The following COL20A1 variants were observed in gnomAD, a reference collection of about 807,000 sequenced individuals.
The protein encoded by COL20A1 is collagen alpha-1(XX) chain.
COL20A1 carries 164 observed loss-of-function variants against 152.9 expected under a neutral mutation model. The observed-to-expected ratio is 1.07, with a 90% CI of 0.94 to 1.22. The LOEUF (loss-of-function observed/expected upper bound fraction) is 1.22, where lower values mean the gene tolerates loss of function less well. Ranked by LOEUF, COL20A1 falls within the 50% of genes most tolerant of loss-of-function variation. The pLI, the probability that COL20A1 is intolerant of heterozygous loss-of-function variation, is 0.00. For missense variants in COL20A1, 1,873 were observed against 1,744.8 expected, an observed-to-expected ratio of 1.07 and a Z score of -1.31; for synonymous variants, 864 against 756.0, an observed-to-expected ratio of 1.14 and a Z score of -2.34.
intron 7 of COL20A1, 104 bp from the exon 8 acceptor site, chr20:63,308,438 C>A: frequency 8.5e-7 from 1 of 1,181,210 alleles, no homozygotes; most frequent in South Asian, 1.6e-5. Flanking sequence ...CCTGATACCC[C>A]ACAAGGGAAG....
chr20:63,293,861 C>T (rs1160488270), intron 1 of COL20A1, among the ~76,000 whole-genome samples: 1 of 119,698 alleles, frequency 8.4e-6, no homozygotes, highest in Non-Finnish European at 1.7e-5. Flanking sequence ...ATACTGGGGT[C>T]ACACACTGGG....
At position 63,295,082 on chromosome 20, in the gene COL20A1, C is replaced by T. The variant is rs991004388; in HGVS notation, c.-10-16C>T. The T allele has an allele frequency of 5.3e-6, 8 of 1,518,912 alleles. No homozygotes were observed. In the Admixed American group the frequency reaches 1.4e-4, roughly 27 times the overall value. 94.1% of individuals were successfully genotyped at this position (1,518,912 alleles called of 1,614,324 possible). On this transcript the variant is annotated splice_polypyrimidine_tract_variant and intron_variant, in intron 1 of 35. Coordinates refer to ENST00000358894, the MANE Select transcript of COL20A1 (RefSeq NM_020882.4). Reference sequence around the variant, plus strand: ...CGGGGGGACGGCTGAAGGGCATGGCCTCTTCCCTGCCACAGCCCGAGCACC... The same window carrying T: ...CGGGGGGACGGCTGAAGGGCATGGCTTCTTCCCTGCCACAGCCCGAGCACC...
intron 1 of COL20A1, among the ~76,000 whole-genome samples, chr20:63,294,128 G>A (rs2067752820): frequency 1.8e-5 from 1 of 54,566 alleles, no homozygotes; most frequent in Admixed American, 1.8e-4. Flanking sequence ...GGAGTGCAGG[G>A]GAGCGGAGTG....
intron 2 of COL20A1, among the ~76,000 whole-genome samples, chr20:63,296,024 G>A (rs1050781341): frequency 1.3e-5 from 2 of 152,264 alleles, no homozygotes; most frequent in South Asian, 4.1e-4. Flanking sequence ...CTGACAGGCC[G>A]GGGCGAGGGA....
chr20:63,314,664 T>G (rs911068), intron 19 of COL20A1, among the ~76,000 whole-genome samples: 137,003 of 152,070 alleles, frequency 0.9, 62,178 homozygotes, highest in East Asian at 1. Context: ...AGGGGAGAGC[T>G]GCTCCTCCCA....
At chr20:63,298,234 G>A (rs1034434513) in intron 3 of COL20A1, among the ~76,000 whole-genome samples, 5 of 152,196 alleles carry the variant, frequency 3.3e-5, no homozygotes, top group Non-Finnish European at 7.3e-5. Flanking sequence ...TCCCTGGCAC[G>A]CAGCCCCTGC....
rs2068244776 is a variant in COL20A1 at position 63,326,155 on chromosome 20, C to T, written c.3456+6C>T. On this transcript the variant is annotated splice_donor_region_variant and intron_variant, in intron 30 of 35. Transcript: ENST00000358894. ...CTGGACCCCCTGGCCCCAGGGTAGG[C>T]ACCGACCTCCCATGACCCCGACCCC... 1 of 1,610,084 alleles carries T rather than the reference C, an allele frequency of 6.2e-7. No individual in the cohort carries two copies. Among genetic ancestry groups the T allele is most frequent in the African/African-American group, 1.3e-5 (1 of 74,820 alleles).
At position 63,305,273 on chromosome 20, in the gene COL20A1, C is replaced by T; in HGVS notation, c.194-144C>T. The T allele has an allele frequency of 1.7e-6, 1 of 593,882 alleles. No individual in the cohort carries two copies. The highest frequency in any genetic ancestry group is 2.7e-6 in the Non-Finnish European group (1 of 369,242). The allele number at this position is 593,882 out of a possible 1,614,324, so 36.8% of individuals were successfully genotyped here. A position where few individuals can be genotyped will look rare whatever the true frequency, so the allele number is the denominator to read the frequency against. ...ACCCAGGAGCCCATGTCCCTTCCAT[C>T]AGACCCTCTCCCTTTCTGTCTCTCT... On this transcript the variant is annotated intron_variant, in intron 3 of 35. Transcript: ENST00000358894. This position sits in a 1 kb window ranked among gnomAD's most constrained non-coding sequence, Gnocchi z 4.9.
intron 14 of COL20A1, 84 bp from the exon 15 acceptor site, chr20:63,312,336 G>A: frequency 7.2e-7 from 1 of 1,397,028 alleles, no homozygotes; most frequent in South Asian, 1.5e-5. Flanking sequence ...AGTCCTGGCT[G>A]CAGGTGCTGG....
chr20:63,298,307 T>A (rs752384414), intron 3 of COL20A1, among the ~76,000 whole-genome samples: 2 of 152,228 alleles, frequency 1.3e-5, no homozygotes, highest in African/African-American at 4.8e-5. Context: ...TAATTTTTTT[T>A]AAAGGCAGGG....
chr20:63,313,269 C>A lies in COL20A1; in HGVS notation c.2209+20C>A, dbSNP rs574738531. ...CCCCCTGTAGGTGCCCCTCCACTTC[C>A]CCTCTGCTGGGTGTGGGGCAGGGAT... is the stretch of plus-strand genomic sequence containing the variant. On this transcript the variant is annotated intron_variant, in intron 17 of 35. Coordinates refer to ENST00000358894, the MANE Select transcript of COL20A1 (RefSeq NM_020882.4). This position sits in a 1 kb window ranked among gnomAD's most constrained non-coding sequence, Gnocchi z 5.9. 1.1e-5 allele frequency: 17 copies of A among 1,598,184 alleles called. No individual in the cohort carries two copies. The African/African-American group carries it at 2.0e-4, about 19-fold the overall frequency.
At position 63,295,167 on chromosome 20, in the gene COL20A1, C is replaced by G; in HGVS notation, c.60C>G (p.Thr20=). ...GLCLWLWLGA[T]LGREQVQASG... The stretch of plus-strand genomic sequence containing the variant: ...GCCTCTGGCTGTGGCTGGGCGCCAC[C>G]CTGGGAAGAGAGCAAGTTCAAGGTA... The change falls in exon 2 of 36, where the codon ACC becomes ACG. Residue 20 remains threonine, a synonymous_variant. Transcript: ENST00000358894. 1 of 1,554,958 alleles carries G rather than the reference C, an allele frequency of 6.4e-7. No individual in the cohort carries two copies. Among genetic ancestry groups the G allele is most frequent in the East Asian group, 2.4e-5 (1 of 41,228 alleles).
chr20:63,312,252 C>T lies in COL20A1; in HGVS notation c.1804-168C>T, dbSNP rs1014029776. ...ACCAGGCTGGGGAGGCCCACCCCAG[C>T]CGTCCTGCAGTTCTGTTGCCCTCCC... On this transcript the variant is annotated intron_variant, in intron 14 of 35. Transcript: ENST00000358894. Among the ~76,000 whole-genome samples the T allele has an allele frequency of 4.6e-4, 70 of 152,146 alleles. 1 individual carries two copies. The highest frequency in any genetic ancestry group is 4.6e-3 in the Admixed American group (70 of 15,282).
chr20:63,305,870 T>C lies in COL20A1; in HGVS notation c.338-11T>C, dbSNP rs1305186388. 6.2e-7 allele frequency: 1 copy of C among 1,612,838 alleles called. No homozygotes were observed. On this transcript the variant is annotated splice_polypyrimidine_tract_variant and intron_variant, in intron 4 of 35. Transcript: ENST00000358894. The surrounding 1 kb of genome is among the most constrained non-coding windows in gnomAD (Gnocchi z 4.9). Reference sequence around the variant, plus strand: ...ACTCCCACCCTGATGGCTCTTTGTGTCTCCCTGCAGTTGAGGATCTGAAGA... The same window carrying C: ...ACTCCCACCCTGATGGCTCTTTGTGCCTCCCTGCAGTTGAGGATCTGAAGA...
At chr20:63,312,624 C>G (rs2123405263) in intron 15 of COL20A1, 75 bp downstream of exon 15, 1 of 1,493,644 alleles carries the variant, frequency 6.7e-7, no homozygotes, top group South Asian at 1.3e-5. Context: ...CAGTTCACAT[C>G]AAGTGTTTTG....
At chr20:63,321,817 C>G (rs1024681333) in intron 26 of COL20A1, among the ~76,000 whole-genome samples, 1 of 152,170 alleles carries the variant, frequency 6.6e-6, no homozygotes, top group Non-Finnish European at 1.5e-5. Flanking sequence ...GTGTCCACAG[C>G]CTTGTCTACT....
intron 29 of COL20A1, 40 bp downstream of exon 29, chr20:63,325,761 G>A (rs1314510502): frequency 3.2e-6 from 5 of 1,582,930 alleles, no homozygotes; most frequent in Admixed American, 3.4e-5. Flanking sequence ...CAGGGTGGTA[G>A]AGACTGGCCT....
Position 63,325,473 on chromosome 20 carries a change from C to T in COL20A1, c.3327C>T (p.Asp1109=), listed in dbSNP as rs776732444. 1.4e-5 allele frequency: 23 copies of T among 1,612,692 alleles called. No individual in the cohort carries two copies. In the South Asian group the frequency reaches 2.4e-4, roughly 17 times the overall value. The change falls in exon 28 of 36, where the codon GAC becomes GAT. Residue 1109 remains aspartate, a synonymous_variant. Coordinates refer to ENST00000358894, the MANE Select transcript of COL20A1 (RefSeq NM_020882.4). The part of the protein sequence containing the change: ...GPPGVKGEKG[D]HGLPGLQGHP... ...CAGGGGTCAAAGGAGAGAAGGGAGA[C>T]CATGGGCTTCCAGGCTTGCAGGTAG...
intron 9 of COL20A1, 58 bp from the exon 10 acceptor site, chr20:63,309,700 C>G: frequency 1.4e-6 from 2 of 1,435,670 alleles, no homozygotes; most frequent in Non-Finnish European, 1.9e-6. Flanking sequence ...CCAGGGGGAG[C>G]GTGGACACAG....
Sources: allele counts gnomAD v4.1 joint callset (sites outside exome capture counted in the v4.1 genomes callset), GRCh38; gene constraint gnomAD v4.1.1; non-coding constraint Gnocchi (gnomAD v3.1); transcripts MANE v1.5; gene names NCBI Gene and HGNC (gene_info 2026-07-23, HGNC 2026-07-21).